TCHP: variants seen among roughly 807,000 people sequenced by gnomAD.
TCHP encodes trichoplein keratin filament binding.
In TCHP, 81 loss-of-function variants were observed where a neutral mutation model predicts 88.7. That is an observed-to-expected ratio of 0.91 (90% confidence interval 0.76 to 1.10). The LOEUF (loss-of-function observed/expected upper bound fraction) is 1.10. Ranked by LOEUF, TCHP falls within the 50% of genes least tolerant of loss-of-function variation. The pLI, the probability that TCHP is intolerant of heterozygous loss-of-function variation, is 0.00. For missense variants in TCHP, 641 were observed against 632.1 expected (o/e 1.01, Z -0.15); for synonymous variants, 232 against 232.5 (o/e 1.00, Z 0.02).
upstream of TCHP, among the ~76,000 whole-genome samples, chr12:109,899,533 T>G (rs11068828): frequency 6.6e-6 from 1 of 152,002 alleles, no homozygotes; most frequent in African/African-American, 2.4e-5. Context: ...AGCTACTCGG[T>G]AGGCTGAGGC....
chr12:109,907,911 C>T (rs745835817), intron 6 of TCHP, among the ~76,000 whole-genome samples: 2 of 152,220 alleles, frequency 1.3e-5, no homozygotes, highest in African/African-American at 2.4e-5. Flanking sequence ...AGAACATTAA[C>T]GACATGGAGC....
At chr12:109,907,825 G>T in intron 6 of TCHP, 126 bp downstream of exon 6, 2 of 1,074,412 alleles carry the variant, frequency 1.9e-6, no homozygotes, top group Non-Finnish European at 2.6e-6. Context: ...GGCGGCAGCA[G>T]CCGGGTTCTC....
chr12:109,896,771 C>T (rs776731583), upstream of TCHP, among the ~76,000 whole-genome samples: 11 of 151,954 alleles, frequency 7.2e-5, no homozygotes, highest in Non-Finnish European at 1.3e-4. Flanking sequence ...AAAAATTAGC[C>T]GGACGTGGTG....
At chr12:109,911,258 G>T in intron 9 of TCHP, 23 bp downstream of exon 9, 1 of 1,375,300 alleles carries the variant, frequency 7.3e-7, no homozygotes, top group Non-Finnish European at 1.0e-6. Context: ...TGCTGACTGG[G>T]CTGGATGCTC....
intron 3 of TCHP, 29 bp downstream of exon 3, chr12:109,904,176 G>A: frequency 6.5e-7 from 1 of 1,548,106 alleles, no homozygotes; most frequent in South Asian, 1.2e-5. Flanking sequence ...TCAGGAGGCT[G>A]TGGAGCAGGA....
At position 109,905,563 on chromosome 12, in the gene TCHP, T is replaced by C. The variant is rs556404057; in HGVS notation, c.456+770T>C. Among the ~76,000 whole-genome samples the C allele has an allele frequency of 2.6e-5, 4 of 152,314 alleles. No homozygotes were observed. The highest frequency in any genetic ancestry group is 5.9e-5 in the Non-Finnish European group (4 of 68,024). On this transcript the variant is annotated intron_variant, in intron 4 of 12. Transcript: ENST00000405876. This position sits in a 1 kb window ranked among gnomAD's most constrained non-coding sequence, Gnocchi z 4.0. Reference sequence around the variant, plus strand: ...GCAGGGGAGGGGGTGGCCTCTTGGCTTGGTGGCCTTGTTCAGTGGAGATTT... The same window carrying C: ...GCAGGGGAGGGGGTGGCCTCTTGGCCTGGTGGCCTTGTTCAGTGGAGATTT...
Position 109,908,748 on chromosome 12 carries a change from C to G in TCHP, c.812+50C>G, listed in dbSNP as rs1025617025. ...TCTTCCCAGGCGGGTGGGCCTCTTG[C>G]TTTTTCAGACTTGCATTCGTGTTGC... On this transcript the variant is annotated intron_variant, in intron 7 of 12. Coordinates refer to ENST00000405876, the MANE Select transcript of TCHP (RefSeq NM_001143852.2). The G allele has an allele frequency of 3.9e-6, 6 of 1,556,452 alleles. No individual in the cohort carries two copies. The African/African-American group carries it at 5.4e-5, about 14-fold the overall frequency.
In TCHP at chr12:109,907,014, C is replaced by T. The variant is rs116309214; in HGVS notation, c.525+374C>T. ...AAGCAGTCCTCCTAACTCAGCCTCCCGAGTAGCTAGGACCACAGGTACGCA... is the reference window on the plus strand; with the variant it reads ...AAGCAGTCCTCCTAACTCAGCCTCCTGAGTAGCTAGGACCACAGGTACGCA... On this transcript the variant is annotated intron_variant, in intron 5 of 12. Coordinates refer to ENST00000405876, the MANE Select transcript of TCHP (RefSeq NM_001143852.2). Among the ~76,000 whole-genome samples the T allele has an allele frequency of 6.9e-3, 1,051 of 152,256 alleles. 18 individuals carry two copies. The highest frequency in any genetic ancestry group is 0.024 in the African/African-American group (1,006 of 41,550).
chr12:109,894,050 G>A, the TCHP span, among the ~76,000 whole-genome samples: 2 of 152,060 alleles, frequency 1.3e-5, no homozygotes, highest in Non-Finnish European at 2.9e-5. Context: ...CAGGCATGGT[G>A]GCAGGTGCCT....
intron 5 of TCHP, 124 bp downstream of exon 5, chr12:109,906,764 T>C: frequency 1.4e-6 from 1 of 737,856 alleles, no homozygotes; most frequent in Non-Finnish European, 2.3e-6. Flanking sequence ...ACTCTTTTCT[T>C]AGTTTACTTG....
chr12:109,901,667 G>A (rs2136065193), intron 1 of TCHP, among the ~76,000 whole-genome samples: 1 of 152,298 alleles, frequency 6.6e-6, no homozygotes. Context: ...CCTGCACCTG[G>A]AACTGTTGTT....
At chr12:109,907,452 A>G (rs1592909107) in intron 5 of TCHP, 74 bp from the exon 6 acceptor site, 7 of 1,504,098 alleles carry the variant, frequency 4.7e-6, no homozygotes, top group Non-Finnish European at 6.4e-6. Context: ...TGGCCTGCAG[A>G]ACGGCGGCAG....
chr12:109,900,972 C>G (rs1443943327), intron 1 of TCHP: 6 of 152,276 alleles, frequency 3.9e-5, no homozygotes, highest in African/African-American at 9.6e-5. Context: ...TGAGACTGCT[C>G]TCTGCTTTCA....
chr12:109,908,041 C>T (rs769659077), intron 6 of TCHP, among the ~76,000 whole-genome samples: 4 of 152,150 alleles, frequency 2.6e-5, no homozygotes, highest in Non-Finnish European at 5.9e-5. Flanking sequence ...CCCAGCTCTC[C>T]GTGGGGAGCA....
upstream of TCHP, among the ~76,000 whole-genome samples, chr12:109,899,323 TCAC>T (rs997935462): frequency 1.3e-5 from 2 of 152,190 alleles, no homozygotes; most frequent in African/African-American, 4.8e-5. Context: ...ACTTTTGAAC[TCAC>T]CACCAATATA....
At position 109,903,903 on chromosome 12, in the gene TCHP, C is replaced by T. The variant is rs1330301404; in HGVS notation, c.189-34C>T. ...CAGAGCACGTTCCCTGTGGCTGTAG[C>T]ATGATTGATTCAGGCAGGCCCCCTC... On this transcript the variant is annotated intron_variant, in intron 2 of 12. Coordinates refer to ENST00000405876, the MANE Select transcript of TCHP (RefSeq NM_001143852.2). The surrounding 1 kb of genome is among the most constrained non-coding windows in gnomAD (Gnocchi z 4.6). 2 of 1,545,406 alleles carry T rather than the reference C, an allele frequency of 1.3e-6. No individual in the cohort carries two copies. Among genetic ancestry groups the T allele is most frequent in the East Asian group, 2.3e-5 (1 of 43,108 alleles).
chr12:109,881,022 T>A, the TCHP span, among the ~76,000 whole-genome samples: 1 of 152,216 alleles, frequency 6.6e-6, no homozygotes, highest in Non-Finnish European at 1.5e-5. Flanking sequence ...TGAACACTGC[T>A]GAAGTCACAG....
chr12:109,914,374 A>C (rs1346672451), intron 10 of TCHP, 68 bp from the exon 11 acceptor site: 2 of 1,464,562 alleles, frequency 1.4e-6, no homozygotes, highest in African/African-American at 2.8e-5. Context: ...CAGCCTGTCC[A>C]AGGCTTGTAG....
upstream of TCHP, among the ~76,000 whole-genome samples, chr12:109,899,972 T>A (rs979959103): frequency 1.3e-5 from 2 of 151,984 alleles, no homozygotes; most frequent in Non-Finnish European, 2.9e-5. Flanking sequence ...GTTTAAAAAA[T>A]TTTTTAGAGA....
Sources: gnomAD v4.1 joint callset for allele counts (sites outside exome capture counted in the v4.1 genomes callset) on GRCh38, gnomAD v4.1.1 for gene constraint, Gnocchi (gnomAD v3.1) non-coding constraint, MANE v1.5 for transcripts, NCBI Gene and HGNC (gene_info 2026-07-23, HGNC 2026-07-21) for gene names.